ARHGAP24: variants seen among roughly 807,000 people sequenced by gnomAD.
The protein encoded by ARHGAP24 is rho GTPase-activating protein 24.
A neutral mutation model predicts 76.4 loss-of-function variants in ARHGAP24; 50 were observed. The observed-to-expected ratio is 0.65, with a 90% CI of 0.52 to 0.83. ARHGAP24 has a LOEUF of 0.83. ARHGAP24 is among the 40% of genes least tolerant of loss of function. The pLI is 0.00. For missense variants in ARHGAP24, 930 were observed against 914.2 expected (o/e 1.02, Z -0.22); for synonymous variants, 345 against 323.3 (o/e 1.07, Z -0.72).
intron 8 of ARHGAP24, among the ~76,000 whole-genome samples, chr4:85,979,120 C>T (rs757597581): frequency 6.6e-6 from 1 of 152,104 alleles, no homozygotes; most frequent in Non-Finnish European, 1.5e-5. Context: ...TCTGCATTTC[C>T]TACAAGTTAG....
chr4:85,871,455 G>C (rs758596670), intron 3 of ARHGAP24, among the ~76,000 whole-genome samples: 15 of 152,264 alleles, frequency 9.9e-5, no homozygotes, highest in Middle Eastern at 3.4e-3. Context: ...TTTGACAACT[G>C]TTTTGTAACA....
At chr4:85,519,870 C>G (rs1396615452) in intron 1 of ARHGAP24, among the ~76,000 whole-genome samples, 1 of 152,096 alleles carries the variant, frequency 6.6e-6, no homozygotes, top group African/African-American at 2.4e-5. Flanking sequence ...TCAAGGCTGT[C>G]CCGACTGTGG....
intron 3 of ARHGAP24, among the ~76,000 whole-genome samples, chr4:85,775,171 G>A (rs1017167558): frequency 6.6e-6 from 1 of 151,738 alleles, no homozygotes; most frequent in Admixed American, 6.6e-5. Context: ...ATATGTGGGT[G>A]GGAGGATGCT....
At position 85,923,919 on chromosome 4, in the gene ARHGAP24, A is replaced by C; in HGVS notation, c.391+149A>C. 2.5e-6 allele frequency: 3 copies of C among 1,183,278 alleles called. No homozygotes were observed. In the South Asian group the frequency reaches 4.3e-5, roughly 17 times the overall value. The allele number at this position is 1,183,278 out of a possible 1,614,324, so 73.3% of individuals were successfully genotyped here. On this transcript the variant is annotated intron_variant, in intron 4 of 9. Transcript: ENST00000395184. The stretch of plus-strand genomic sequence containing the variant: ...ATTGTTCAACATTATTGTTAGACGT[A>C]TGTCTTCGTAAATCCTACAAGTTTA...
intron 1 of ARHGAP24, among the ~76,000 whole-genome samples, chr4:85,519,107 C>T (rs1724637796): frequency 6.6e-6 from 1 of 152,074 alleles, no homozygotes. Flanking sequence ...CAATGTGATA[C>T]CACCTTACTC....
chr4:85,852,267 G>C lies in ARHGAP24; in HGVS notation c.269-71381G>C, dbSNP rs368100592. On this transcript the variant is annotated intron_variant, in intron 3 of 9. Transcript: ENST00000395184. Reference sequence around the variant, plus strand: ...CTACTGAAGCTTCTGTGTGTGTCACGTAGTTCTCGTGTCATGGTTTTCAGC... The same window carrying C: ...CTACTGAAGCTTCTGTGTGTGTCACCTAGTTCTCGTGTCATGGTTTTCAGC... 1.2e-4 allele frequency among the ~76,000 whole-genome samples: 18 copies of C among 152,226 alleles called. No individual in the cohort carries two copies. The East Asian group carries it at 2.1e-3, about 18-fold the overall frequency.
chr4:85,733,664 G>C (rs991933612), intron 3 of ARHGAP24, among the ~76,000 whole-genome samples: 1 of 152,058 alleles, frequency 6.6e-6, no homozygotes, highest in African/African-American at 2.4e-5. Flanking sequence ...GGTGTCAGCT[G>C]GGTTGGTTTC....
At chr4:85,797,686 T>C (rs1269818412) in intron 3 of ARHGAP24, among the ~76,000 whole-genome samples, 1 of 152,214 alleles carries the variant, frequency 6.6e-6, no homozygotes, top group Non-Finnish European at 1.5e-5. Flanking sequence ...ACAAAATTTC[T>C]CTTCTTGTCA....
intron 3 of ARHGAP24, among the ~76,000 whole-genome samples, chr4:85,865,873 TATATAGTTCTACAGATTTTAGGCA>T (rs1732171530): frequency 6.6e-6 from 1 of 152,048 alleles, no homozygotes; most frequent in Non-Finnish European, 1.5e-5. Flanking sequence ...GTATTCCCTG[TATATAGTTCTACAGATTTTAGGCA>T]ATTTATATTG....
chr4:85,922,126 T>C (rs1306662729), intron 3 of ARHGAP24, among the ~76,000 whole-genome samples: 5 of 152,184 alleles, frequency 3.3e-5, no homozygotes, highest in African/African-American at 1.2e-4. Context: ...TTTGATATAG[T>C]TTTTTTGAGC....
intron 3 of ARHGAP24, among the ~76,000 whole-genome samples, chr4:85,845,484 T>C (rs1253130349): frequency 6.6e-5 from 10 of 152,194 alleles, no homozygotes; most frequent in Admixed American, 3.3e-4. Flanking sequence ...TTAATGTATA[T>C]ATTAATATAA....
At chr4:85,675,412 T>A (rs1206324875) in intron 2 of ARHGAP24, among the ~76,000 whole-genome samples, 1 of 152,156 alleles carries the variant, frequency 6.6e-6, no homozygotes, top group Non-Finnish European at 1.5e-5. Context: ...GGAAGTGGCA[T>A]TAGCAGGCCA....
intron 2 of ARHGAP24, among the ~76,000 whole-genome samples, chr4:85,696,271 A>G (rs1723862184): frequency 6.6e-6 from 1 of 152,098 alleles, no homozygotes; most frequent in African/African-American, 2.4e-5. Flanking sequence ...TATTTTTATT[A>G]AAAGTGAGTT....
chr4:85,894,960 C>CAAAAAAAAAAAAAAAAAAAA (rs540459367), intron 3 of ARHGAP24, among the ~76,000 whole-genome samples: 1 of 35,354 alleles, frequency 2.8e-5, no homozygotes, highest in Non-Finnish European at 6.5e-5. Context: ...GACTCCCTCT[C>CAAAAAAAAAAAAAAAAAAAA]AAAAAAAAAA....
chr4:85,936,490 G>A (rs937091780), intron 4 of ARHGAP24, among the ~76,000 whole-genome samples: 6 of 152,036 alleles, frequency 3.9e-5, no homozygotes, highest in African/African-American at 1.4e-4. Flanking sequence ...CCTTGTGTCT[G>A]TGGCACCTTG....
chr4:85,484,999 A>T (rs185461963), intron 1 of ARHGAP24, among the ~76,000 whole-genome samples: 1 of 152,098 alleles, frequency 6.6e-6, no homozygotes, highest in African/African-American at 2.4e-5. Context: ...CTGCATCCAG[A>T]TTTGCTAGAA....
At chr4:85,900,049 C>A (rs1734408015) in intron 3 of ARHGAP24, among the ~76,000 whole-genome samples, 1 of 152,082 alleles carries the variant, frequency 6.6e-6, no homozygotes, top group Non-Finnish European at 1.5e-5. Context: ...ACCAGAGGAA[C>A]AAAAATAATT....
chr4:85,648,737 G>A (rs994387919), intron 2 of ARHGAP24, among the ~76,000 whole-genome samples: 11 of 152,032 alleles, frequency 7.2e-5, no homozygotes, highest in African/African-American at 2.2e-4. Flanking sequence ...AAATGTCTCC[G>A]TTTGTAAAAT....
At chr4:85,561,186 G>A (rs1372028326) in intron 1 of ARHGAP24, among the ~76,000 whole-genome samples, 1 of 152,118 alleles carries the variant, frequency 6.6e-6, no homozygotes, top group Non-Finnish European at 1.5e-5. Flanking sequence ...TTCAGAGCGG[G>A]GTGGTGGTGG....
Sources: allele counts gnomAD v4.1 joint callset (sites outside exome capture counted in the v4.1 genomes callset), GRCh38; gene constraint gnomAD v4.1.1; transcripts MANE v1.5; gene names NCBI Gene and HGNC (gene_info 2026-07-23, HGNC 2026-07-21).